Variants in RFX8 observed in about 807,000 individuals in gnomAD.
RFX8 encodes regulatory factor X8.
A neutral mutation model predicts 54.6 loss-of-function variants in RFX8; 46 were observed. That is an observed-to-expected ratio of 0.84 (90% CI 0.67 to 1.08). RFX8 has a LOEUF of 1.08. RFX8 is among the 50% of genes least tolerant of loss of function. The probability of loss-of-function intolerance (pLI) is 0.00; values close to 1 mark genes in which losing one functional copy is unlikely to be tolerated. For synonymous variants in RFX8, 192 were observed against 209.5 expected, an observed-to-expected ratio of 0.92 and a Z score of 0.72; for missense variants, 536 against 562.3, an observed-to-expected ratio of 0.95 and a Z score of 0.47.
At chr2:101,429,082 C>T (rs1017562903) in intron 2 of RFX8, 57 of 1,024,636 alleles carry the variant, frequency 5.6e-5, no homozygotes, top group Middle Eastern at 2.0e-4. Flanking sequence ...AGCAGAAGCA[C>T]GAAGTTTCTT....
chr2:101,415,281 T>A (rs1174172713), intron 6 of RFX8, among the ~76,000 whole-genome samples: 1 of 152,126 alleles, frequency 6.6e-6, no homozygotes, highest in Non-Finnish European at 1.5e-5. Flanking sequence ...TGAAGAGGAT[T>A]AGAGGCCCCA....
chr2:101,451,823 G>A (rs1688699935), intron 2 of RFX8, among the ~76,000 whole-genome samples: 1 of 152,166 alleles, frequency 6.6e-6, no homozygotes, highest in Non-Finnish European at 1.5e-5. Flanking sequence ...GCCGGACGTG[G>A]TGGCTCACGC....
At chr2:101,401,826 T>G (rs566866320) in intron 11 of RFX8, among the ~76,000 whole-genome samples, 1 of 152,300 alleles carries the variant, frequency 6.6e-6, no homozygotes, top group Admixed American at 6.5e-5. Context: ...CCAATCTCTG[T>G]TCCACTATTT....
chr2:101,413,008 T>C lies in RFX8; in HGVS notation c.625A>G (p.Ile209Val), dbSNP rs1056567783. Residue 209 changes from isoleucine to valine, a missense_variant, in exon 8 of 12, where the codon ATC becomes GTC. Physicochemically the swap from Ile to Val is conservative, Grantham distance 29 (BLOSUM62 3). Coordinates refer to ENST00000428343, the MANE Select transcript of RFX8 (RefSeq NM_001145664.2). ...VSVLKSDLQAIINQGTLATSK... is the reference protein window; with the variant it reads ...VSVLKSDLQAVINQGTLATSK... ...GTAGCCAAAGTGCCTTGATTGATGA[T>C]GGCCTGTAGATCTGACTTCAAAACG... 1.5e-5 allele frequency: 23 copies of C among 1,552,016 alleles called. No homozygotes were observed. Among genetic ancestry groups the C allele is most frequent in the Admixed American group, 2.0e-5 (1 of 50,988 alleles).
At chr2:101,461,987 T>C (rs1689307707) in intron 2 of RFX8, among the ~76,000 whole-genome samples, 1 of 152,198 alleles carries the variant, frequency 6.6e-6, no homozygotes, top group Non-Finnish European at 1.5e-5. Flanking sequence ...GGATGGGAAC[T>C]GACTGCAATT....
intron 2 of RFX8, among the ~76,000 whole-genome samples, chr2:101,455,030 TTGAGACAGAGTTTCACTC>T (rs1255343066): frequency 6.6e-6 from 1 of 151,850 alleles, no homozygotes; most frequent in Non-Finnish European, 1.5e-5. Flanking sequence ...CTTTTTTTTT[TTGAGACAGAGTTTCACTC>T]TTGTTGCCGT....
intron 9 of RFX8, among the ~76,000 whole-genome samples, chr2:101,409,950 A>G (rs1395318011): frequency 6.6e-6 from 1 of 151,794 alleles, no homozygotes; most frequent in Non-Finnish European, 1.5e-5. Flanking sequence ...CACTGAAGCA[A>G]CTCCCAAGAG....
chr2:101,457,584 G>A (rs898015070), intron 2 of RFX8, among the ~76,000 whole-genome samples: 21 of 152,218 alleles, frequency 1.4e-4, no homozygotes, highest in African/African-American at 4.3e-4. Context: ...AGTTTGTTAT[G>A]ATTTCTGTTC....
At position 101,421,756 on chromosome 2, in the gene RFX8, A is replaced by G. The variant is rs1406128434; in HGVS notation, c.205T>C (p.Tyr69His). Reference sequence around the variant, plus strand: ...AAAATGTCTCGACAATAGTTGCAGTATTCGTCAGCAAGGAAGGCCATCTAG... The same window carrying G: ...AAAATGTCTCGACAATAGTTGCAGTGTTCGTCAGCAAGGAAGGCCATCTAG... ...CNMMAFLADE[Y>H]CNYCRDILRN... is the part of the protein sequence containing the mutation. Residue 69 changes from tyrosine (Y) to histidine (H), a missense_variant, in exon 4 of 12, where the codon TAC becomes CAC. Coordinates refer to ENST00000428343, the MANE Select transcript of RFX8 (RefSeq NM_001145664.2). 1.3e-6 allele frequency: 2 copies of G among 1,550,578 alleles called. No individual in the cohort carries two copies. The highest frequency in any genetic ancestry group is 2.4e-5 in the East Asian group (1 of 40,856).
At chr2:101,415,813 G>A (rs1188761070) in intron 6 of RFX8, among the ~76,000 whole-genome samples, 1 of 152,220 alleles carries the variant, frequency 6.6e-6, no homozygotes, top group Non-Finnish European at 1.5e-5. Context: ...CATGCGATGT[G>A]CGAGCACAAG....
chr2:101,468,319 T>C (rs1276391317), intron 1 of RFX8, among the ~76,000 whole-genome samples: 1 of 152,156 alleles, frequency 6.6e-6, no homozygotes, highest in Non-Finnish European at 1.5e-5. Context: ...GCTCGATACT[T>C]TTCTCCTTGT....
intron 2 of RFX8, among the ~76,000 whole-genome samples, chr2:101,433,466 G>A (rs1433202527): frequency 6.6e-6 from 1 of 152,214 alleles, no homozygotes; most frequent in Non-Finnish European, 1.5e-5. Flanking sequence ...GTCAGGCATA[G>A]AGAGGACTGA....
intron 2 of RFX8, among the ~76,000 whole-genome samples, chr2:101,446,814 T>TG (rs1433324288): frequency 2.2e-4 from 4 of 18,246 alleles, no homozygotes; most frequent in East Asian, 1.5e-3. Flanking sequence ...GGGGTGGGGG[T>TG]GGGGGGGCAC....
Position 101,421,840 on chromosome 2 carries a change from C to T in RFX8, c.184-63G>A. On this transcript the variant is annotated intron_variant, in intron 3 of 11. Transcript: ENST00000428343. ...CTTTTCAATAATGAACTGATCTTCA[C>T]AGACTTTTCTGAAGCTCTCAGAGGC... 6.3e-6 allele frequency: 8 copies of T among 1,261,872 alleles called. No homozygotes were observed. The South Asian group carries it at 9.6e-5, about 15-fold the overall frequency. 78.2% of individuals were successfully genotyped at this position (1,261,872 alleles called of 1,614,324 possible).
Position 101,409,529 on chromosome 2 carries a change from C to G in RFX8, c.813+1090G>C, listed in dbSNP as rs1020218366. Reference sequence around the variant, plus strand: ...GAGTGAGCCACCATGCCCGGCCAGACGGAGTCTTTTGTTGCCCAGGCTGGA... The same window carrying G: ...GAGTGAGCCACCATGCCCGGCCAGAGGGAGTCTTTTGTTGCCCAGGCTGGA... On this transcript the variant is annotated intron_variant, in intron 9 of 11. Transcript: ENST00000428343. Among the ~76,000 whole-genome samples, 10 of 150,566 alleles carry G rather than the reference C, an allele frequency of 6.6e-5. 1 individual carries two copies. Among genetic ancestry groups the G allele is most frequent in the Admixed American group, 3.3e-4 (5 of 15,076 alleles).
intron 2 of RFX8, among the ~76,000 whole-genome samples, chr2:101,445,922 A>C (rs906771724): frequency 2.0e-5 from 3 of 152,174 alleles, no homozygotes; most frequent in African/African-American, 7.2e-5. Context: ...AGATAAACTT[A>C]TTTATTTTGA....
chr2:101,423,181 C>T, intron 2 of RFX8, among the ~76,000 whole-genome samples: 1 of 150,254 alleles, frequency 6.7e-6, no homozygotes, highest in East Asian at 2.0e-4. Flanking sequence ...TTGCTTGAGC[C>T]CGGGAAATGG....
At position 101,397,428 on chromosome 2, in the gene RFX8, A is replaced by G. The variant is rs1325872692; in HGVS notation, c.*120T>C. ...TGAAATACATATAAACATAAAATAGACAATGCTACATCTATTATATACATA... is the reference window on the plus strand; with the variant it reads ...TGAAATACATATAAACATAAAATAGGCAATGCTACATCTATTATATACATA... On this transcript the variant is annotated 3_prime_UTR_variant, in exon 12 of 12. Coordinates refer to ENST00000428343, the MANE Select transcript of RFX8 (RefSeq NM_001145664.2). 5.7e-6 allele frequency: 3 copies of G among 530,158 alleles called. No homozygotes were observed. Among genetic ancestry groups the G allele is most frequent in the Non-Finnish European group, 9.1e-6 (3 of 329,548 alleles). The allele number at this position is 530,158 out of a possible 1,614,324, so 32.8% of individuals were successfully genotyped here. A position where few individuals can be genotyped will look rare whatever the true frequency, so the allele number is the denominator to read the frequency against.
chr2:101,436,193 G>T (rs1687774274), intron 2 of RFX8, among the ~76,000 whole-genome samples: 1 of 152,180 alleles, frequency 6.6e-6, no homozygotes, highest in Admixed American at 6.5e-5. Context: ...GCAATAGGGA[G>T]GAGATAAGGG....
Sources: allele counts gnomAD v4.1 joint callset (sites outside exome capture counted in the v4.1 genomes callset), GRCh38; gene constraint gnomAD v4.1.1; transcripts MANE v1.5; gene names NCBI Gene and HGNC (gene_info 2026-07-23, HGNC 2026-07-21).